The following PTPRT variants were observed in gnomAD, a reference collection of about 807,000 sequenced individuals.
PTPRT encodes receptor-type tyrosine-protein phosphatase T.
PTPRT carries 56 observed loss-of-function variants against 176.8 expected under a neutral mutation model. That is an observed-to-expected ratio of 0.32 (90% CI 0.26 to 0.40). PTPRT has a LOEUF of 0.40. Ranked by LOEUF, PTPRT falls within the 10% of genes least tolerant of loss-of-function variation. The probability of loss-of-function intolerance (pLI) is 1.00; values close to 1 mark genes in which losing one functional copy is unlikely to be tolerated. For missense variants in PTPRT, 1,540 were observed against 1,908.2 expected (o/e 0.81, Z 3.60); for synonymous variants, 783 against 739.0 (o/e 1.06, Z -0.96).
chr20:42,221,810 C>T (rs1286896073), intron 15 of PTPRT, among the ~76,000 whole-genome samples: 5 of 152,126 alleles, frequency 3.3e-5, no homozygotes, highest in Admixed American at 6.6e-5. Flanking sequence ...TGAGCCACCA[C>T]ACCTGGCCAA....
intron 1 of PTPRT, among the ~76,000 whole-genome samples, chr20:43,109,340 T>A (rs913301839): frequency 7.9e-5 from 12 of 151,936 alleles, no homozygotes; most frequent in African/African-American, 2.7e-4. Flanking sequence ...AAACTGGGAG[T>A]GCGTGCTTTT....
chr20:42,934,972 G>T (rs1030844269), intron 1 of PTPRT, among the ~76,000 whole-genome samples: 1 of 151,098 alleles, frequency 6.6e-6, no homozygotes, highest in Non-Finnish European at 1.5e-5. Flanking sequence ...AGCTATTCAG[G>T]AGGCTGAGGC....
intron 15 of PTPRT, among the ~76,000 whole-genome samples, chr20:42,233,728 T>C (rs1333346115): frequency 2.0e-5 from 3 of 152,172 alleles, no homozygotes; most frequent in Non-Finnish European, 2.9e-5. Flanking sequence ...ATACAATATA[T>C]GACCGTCATG....
At chr20:42,154,625 T>G (rs1226525678) in intron 17 of PTPRT, among the ~76,000 whole-genome samples, 1 of 152,266 alleles carries the variant, frequency 6.6e-6, no homozygotes, top group Non-Finnish European at 1.5e-5. Context: ...CCATTCATTA[T>G]GGCGACAGCC....
At position 42,090,057 on chromosome 20, in the gene PTPRT, C is replaced by T. The variant is rs905099889; in HGVS notation, c.3847-4204G>A. Among the ~76,000 whole-genome samples, 24 of 152,242 alleles carry T rather than the reference C, an allele frequency of 1.6e-4. No individual in the cohort carries two copies. The East Asian group carries it at 4.6e-3, about 29-fold the overall frequency. The stretch of plus-strand genomic sequence containing the variant: ...CCCTGGATTCAAATCGTGGCTCTAT[C>T]ACTTTCTAGTTTGAATGGCTTGGCT... On this transcript the variant is annotated intron_variant, in intron 27 of 30. Coordinates refer to ENST00000373187, the MANE Select transcript of PTPRT (RefSeq NM_007050.6).
At chr20:42,689,189 A>G (rs1327219334) in intron 6 of PTPRT, among the ~76,000 whole-genome samples, 1 of 152,204 alleles carries the variant, frequency 6.6e-6, no homozygotes, top group Non-Finnish European at 1.5e-5. Context: ...CTGTCCCCAT[A>G]TAAACCCAAG....
At chr20:42,214,790 T>A (rs1403553245) in intron 15 of PTPRT, among the ~76,000 whole-genome samples, 5 of 152,188 alleles carry the variant, frequency 3.3e-5, no homozygotes, top group Non-Finnish European at 7.3e-5. Flanking sequence ...GAGGCCCTCC[T>A]CCCTCTGGGT....
At chr20:43,094,397 T>C (rs1172350507) in intron 1 of PTPRT, among the ~76,000 whole-genome samples, 2 of 138,824 alleles carry the variant, frequency 1.4e-5, no homozygotes, top group African/African-American at 2.7e-5. Context: ...CTTTCTTTTT[T>C]TTTTTTTTTT....
chr20:42,365,740 C>T (rs1386348515), intron 9 of PTPRT, among the ~76,000 whole-genome samples: 1 of 152,102 alleles, frequency 6.6e-6, no homozygotes, highest in African/African-American at 2.4e-5. Context: ...TATTCAAAGC[C>T]ATTTTGGGTC....
chr20:42,633,784 AATATATATATATAT>A (rs752371452), intron 7 of PTPRT, among the ~76,000 whole-genome samples: 992 of 53,386 alleles, frequency 0.019, 75 homozygotes, highest in Middle Eastern at 0.089. Context: ...AGACTCTGAA[AATATATATATATAT>A]ATATATATAT....
At chr20:43,038,060 A>G (rs1398570074) in intron 1 of PTPRT, among the ~76,000 whole-genome samples, 7 of 151,474 alleles carry the variant, frequency 4.6e-5, no homozygotes, top group Admixed American at 3.3e-4. Flanking sequence ...GCCTATTTAT[A>G]GCATTATTTA....
chr20:42,455,564 A>G (rs2070908433), intron 8 of PTPRT, among the ~76,000 whole-genome samples: 1 of 152,182 alleles, frequency 6.6e-6, no homozygotes, highest in Non-Finnish European at 1.5e-5. Context: ...ATTTTCATTG[A>G]CATTTAAGAG....
chr20:42,085,326 C>T (rs150529721), intron 28 of PTPRT, among the ~76,000 whole-genome samples: 1 of 152,310 alleles, frequency 6.6e-6, no homozygotes, highest in East Asian at 1.9e-4. Flanking sequence ...CTACTCTGCT[C>T]AGCCAGTGAA....
chr20:42,638,426 A>G (rs1387627334), intron 7 of PTPRT, among the ~76,000 whole-genome samples: 1 of 152,054 alleles, frequency 6.6e-6, no homozygotes, highest in African/African-American at 2.4e-5. Context: ...CCTGCTCTAC[A>G]TGTATTATGG....
intron 19 of PTPRT, among the ~76,000 whole-genome samples, chr20:42,127,942 G>A (rs965870610): frequency 6.6e-5 from 10 of 152,232 alleles, no homozygotes; most frequent in Admixed American, 2.6e-4. Context: ...GTTCTAAGCT[G>A]GTCACCTCCT....
chr20:42,262,937 G>A lies in PTPRT; in HGVS notation c.2177-14115C>T, dbSNP rs866221348. 5.3e-5 allele frequency among the ~76,000 whole-genome samples: 8 copies of A among 152,172 alleles called. No individual in the cohort carries two copies. In the East Asian group the frequency reaches 1.5e-3, roughly 29 times the overall value. On this transcript the variant is annotated intron_variant, in intron 13 of 30. Coordinates refer to ENST00000373187, the MANE Select transcript of PTPRT (RefSeq NM_007050.6). ...CTGGAGATAATGGGGGCCAGTAAAG[G>A]TTTTGCAGAGATCAAACTGTCTGAA... is the stretch of plus-strand genomic sequence containing the variant.
chr20:43,148,542 G>T (rs1473268369), intron 1 of PTPRT, among the ~76,000 whole-genome samples: 3 of 152,172 alleles, frequency 2.0e-5, no homozygotes, highest in African/African-American at 7.2e-5. Context: ...ATGAATGAAT[G>T]ATTCCACGAG....
At chr20:42,677,492 G>T (rs2075525847) in intron 7 of PTPRT, among the ~76,000 whole-genome samples, 1 of 152,104 alleles carries the variant, frequency 6.6e-6, no homozygotes, top group Admixed American at 6.5e-5. Context: ...AGAGCCCTCG[G>T]AGAAATTATT....
chr20:42,669,606 G>T (rs1367880923), intron 7 of PTPRT, among the ~76,000 whole-genome samples: 1 of 152,128 alleles, frequency 6.6e-6, no homozygotes, highest in African/African-American at 2.4e-5. Context: ...TTTATAGATG[G>T]TGCCGCCAAG....
Sources: allele counts gnomAD v4.1 joint callset (sites outside exome capture counted in the v4.1 genomes callset), GRCh38; gene constraint gnomAD v4.1.1; transcripts MANE v1.5; gene names NCBI Gene and HGNC (gene_info 2026-07-23, HGNC 2026-07-21).